SEMA6D: variants seen among roughly 807,000 people sequenced by gnomAD.
SEMA6D encodes semaphorin-6D.
Under a neutral mutation model 106.6 loss-of-function variants are expected in SEMA6D, and 35 were observed. That is an observed-to-expected ratio of 0.33 (90% CI 0.25 to 0.44). The LOEUF (loss-of-function observed/expected upper bound fraction) is 0.44, where lower values mean the gene tolerates loss of function less well. Ranked by LOEUF, SEMA6D falls within the 20% of genes least tolerant of loss-of-function variation. The pLI, the probability that SEMA6D is intolerant of heterozygous loss-of-function variation, is 1.00. For synonymous variants in SEMA6D, 499 were observed against 487.7 expected (o/e 1.02, Z -0.31); for missense variants, 1,185 against 1,345.9 (o/e 0.88, Z 1.87).
chr15:47,330,525 G>A (rs1263398310), intron 1 of SEMA6D, among the ~76,000 whole-genome samples: 1 of 152,140 alleles, frequency 6.6e-6, no homozygotes, highest in African/African-American at 2.4e-5. Context: ...GAGCTTGTCA[G>A]GGCGTGCAGA....
chr15:47,682,439 T>C (rs2078376568), intron 4 of SEMA6D, among the ~76,000 whole-genome samples: 1 of 152,026 alleles, frequency 6.6e-6, no homozygotes, highest in South Asian at 2.1e-4. Flanking sequence ...AATGCTGGGA[T>C]TACAGGCGTG....
At chr15:47,264,747 A>G (rs571806574) in intron 1 of SEMA6D, among the ~76,000 whole-genome samples, 4 of 152,126 alleles carry the variant, frequency 2.6e-5, no homozygotes, top group Non-Finnish European at 5.9e-5. Flanking sequence ...GTTTTTCATT[A>G]ATGTTCTTTA....
At chr15:47,485,733 C>A (rs1374792078) in intron 3 of SEMA6D, among the ~76,000 whole-genome samples, 1 of 152,144 alleles carries the variant, frequency 6.6e-6, no homozygotes, top group Middle Eastern at 3.2e-3. Context: ...AGCACCGAGC[C>A]ACAGTGCTAT....
intron 2 of SEMA6D, among the ~76,000 whole-genome samples, chr15:47,440,848 A>G (rs2041860898): frequency 6.6e-6 from 1 of 152,022 alleles, no homozygotes; most frequent in Non-Finnish European, 1.5e-5. Context: ...GAAACAAGAA[A>G]ATGAGAATTG....
At chr15:47,510,635 A>G (rs1240634921) in intron 3 of SEMA6D, among the ~76,000 whole-genome samples, 2 of 152,234 alleles carry the variant, frequency 1.3e-5, no homozygotes, top group South Asian at 2.1e-4. Flanking sequence ...ACCAAACAAC[A>G]TAAGACGGCC....
intron 1 of SEMA6D, among the ~76,000 whole-genome samples, chr15:47,200,390 A>G (rs1169035522): frequency 6.6e-6 from 1 of 152,148 alleles, no homozygotes; most frequent in Non-Finnish European, 1.5e-5. Flanking sequence ...TTTGAGGGAG[A>G]GTTGGCAACC....
At chr15:47,649,425 G>A (rs564863226) in intron 4 of SEMA6D, among the ~76,000 whole-genome samples, 1 of 152,216 alleles carries the variant, frequency 6.6e-6, no homozygotes, top group Non-Finnish European at 1.5e-5. Flanking sequence ...GCTTCCCTCA[G>A]AGACCTTCAC....
chr15:47,385,948 A>G (rs113859658), intron 1 of SEMA6D, among the ~76,000 whole-genome samples: 2,395 of 152,338 alleles, frequency 0.016, 69 homozygotes, highest in African/African-American at 0.054. Context: ...AACACTAACT[A>G]GTTGTGCAGC....
chr15:47,491,334 A>G (rs912379465), intron 3 of SEMA6D, among the ~76,000 whole-genome samples: 2 of 152,202 alleles, frequency 1.3e-5, no homozygotes, highest in Non-Finnish European at 2.9e-5. Context: ...GATAACACAT[A>G]AACTAGTATT....
chr15:47,768,735 G>A lies in SEMA6D; in HGVS notation c.1920G>A (p.Ser640=), dbSNP rs377297904. 2.4e-5 allele frequency: 39 copies of A among 1,612,730 alleles called. No individual in the cohort carries two copies. The highest frequency in any genetic ancestry group is 6.7e-5 in the Admixed American group (4 of 59,938). ...CTTCTGATTTTACTGATCCTTTATC[G>A]GGTATCCCAAAGGGTAAGGCCTCAG... is the stretch of plus-strand genomic sequence containing the variant. ...PNTSDFTDPL[S]GIPKGVRWEV... The change falls in exon 18 of 19, where the codon TCG becomes TCA. Residue 640 remains serine (S), a synonymous_variant. Transcript: ENST00000536845.
At chr15:47,553,780 A>G (rs938141602) in intron 3 of SEMA6D, among the ~76,000 whole-genome samples, 1 of 152,156 alleles carries the variant, frequency 6.6e-6, no homozygotes, top group Non-Finnish European at 1.5e-5. Context: ...GAATTAGTGC[A>G]TTACATATGA....
intron 1 of SEMA6D, among the ~76,000 whole-genome samples, chr15:47,758,234 T>C (rs1457178890): frequency 6.6e-6 from 1 of 152,204 alleles, no homozygotes; most frequent in Non-Finnish European, 1.5e-5. Flanking sequence ...GTTAGACACA[T>C]ATTTAGAGCA....
chr15:47,272,571 T>C (rs188519043), intron 1 of SEMA6D: 1 of 152,424 alleles, frequency 6.6e-6, no homozygotes, highest in East Asian at 1.9e-4. Context: ...ATTATTTACA[T>C]AGATGCAACA....
intron 3 of SEMA6D, among the ~76,000 whole-genome samples, chr15:47,564,193 T>A (rs1196040100): frequency 6.6e-6 from 1 of 152,138 alleles, no homozygotes; most frequent in African/African-American, 2.4e-5. Context: ...ATATTAAAAA[T>A]ACAAAAGACA....
At chr15:47,387,824 C>G (rs2039891912) in intron 1 of SEMA6D, among the ~76,000 whole-genome samples, 1 of 152,174 alleles carries the variant, frequency 6.6e-6, no homozygotes, top group Non-Finnish European at 1.5e-5. Context: ...GCTTAACTCC[C>G]TGAAACCTGT....
chr15:47,614,713 C>T (rs1395900346), intron 4 of SEMA6D, among the ~76,000 whole-genome samples: 2 of 152,140 alleles, frequency 1.3e-5, no homozygotes, highest in Non-Finnish European at 2.9e-5. Flanking sequence ...AGATCCAGGA[C>T]CTAGCATGGT....
intron 1 of SEMA6D, among the ~76,000 whole-genome samples, chr15:47,756,686 T>C (rs2081761075): frequency 6.6e-6 from 1 of 152,142 alleles, no homozygotes. Context: ...GCATAACTAG[T>C]ATCATGATTT....
chr15:47,760,762 T>C (rs1335197314), intron 3 of SEMA6D, among the ~76,000 whole-genome samples: 1 of 152,198 alleles, frequency 6.6e-6, no homozygotes, highest in Admixed American at 6.5e-5. Context: ...GTTTGACCCA[T>C]GCCTGGAGAG....
chr15:47,711,423 C>T lies in SEMA6D; in HGVS notation c.-54-48322C>T, dbSNP rs115175144. On this transcript the variant is annotated intron_variant, in intron 4 of 19. Transcript: ENST00000558014. Reference sequence around the variant, plus strand: ...TGGGAACCAGAACTTGAGCAGTACACTTCGTGGAACCAAACAAAAGTTAAA... The same window carrying T: ...TGGGAACCAGAACTTGAGCAGTACATTTCGTGGAACCAAACAAAAGTTAAA... Among the ~76,000 whole-genome samples the T allele has an allele frequency of 7.3e-3, 1,105 of 152,036 alleles. 14 individuals are homozygous for T. The highest frequency in any genetic ancestry group is 0.025 in the African/African-American group (1,030 of 41,444).
Sources: allele counts gnomAD v4.1 joint callset (sites outside exome capture counted in the v4.1 genomes callset), GRCh38; gene constraint gnomAD v4.1.1; transcripts MANE v1.5; gene names NCBI Gene and HGNC (gene_info 2026-07-23, HGNC 2026-07-21).